DLG2: variants seen among roughly 807,000 people sequenced by gnomAD.
DLG2 encodes the protein disks large homolog 2.
A neutral mutation model predicts 132.5 loss-of-function variants in DLG2; 45 were observed. The ratio of observed to expected loss-of-function variants is 0.34; its 90% CI spans 0.27 to 0.44. The LOEUF (loss-of-function observed/expected upper bound fraction) is 0.44, where lower values mean the gene tolerates loss of function less well. DLG2 is among the 20% of genes least tolerant of loss of function. The pLI is 1.00. For synonymous variants in DLG2, 424 were observed against 419.6 expected, an observed-to-expected ratio of 1.01 and a Z score of -0.13; for missense variants, 1,045 against 1,196.9, an observed-to-expected ratio of 0.87 and a Z score of 1.87.
At chr11:84,791,432 T>C (rs949955628) in intron 6 of DLG2, among the ~76,000 whole-genome samples, 24 of 152,236 alleles carry the variant, frequency 1.6e-4, no homozygotes, top group African/African-American at 5.8e-4. Flanking sequence ...TCAGGTCTTT[T>C]GTGATTTCAT....
chr11:84,374,525 T>C (rs553943725), intron 7 of DLG2, among the ~76,000 whole-genome samples: 191 of 152,308 alleles, frequency 1.3e-3, no homozygotes, highest in Admixed American at 2.2e-3. Flanking sequence ...TGTTAGTGTA[T>C]TTTATGTGTG....
chr11:83,728,480 A>T (rs919261009), intron 18 of DLG2, among the ~76,000 whole-genome samples: 66 of 152,206 alleles, frequency 4.3e-4, no homozygotes, highest in Non-Finnish European at 7.9e-4. Context: ...ATCCTTCCAA[A>T]CCTCACAGAC....
chr11:85,043,304 A>G (rs1593154782), intron 6 of DLG2, among the ~76,000 whole-genome samples: 2 of 152,016 alleles, frequency 1.3e-5, no homozygotes, highest in East Asian at 3.9e-4. Flanking sequence ...ATCTTAATGT[A>G]TCAAATTTTA....
At chr11:85,058,805 A>G (rs2154158008) in intron 6 of DLG2, among the ~76,000 whole-genome samples, 1 of 151,606 alleles carries the variant, frequency 6.6e-6, no homozygotes, top group East Asian at 1.9e-4. Flanking sequence ...ATAATTAATT[A>G]TATATCCATA....
chr11:84,331,742 G>T (rs1301085133), intron 7 of DLG2, among the ~76,000 whole-genome samples: 1 of 152,098 alleles, frequency 6.6e-6, no homozygotes, highest in South Asian at 2.1e-4. Context: ...ATTTAGGCCT[G>T]CTGGGCTAAA....
intron 4 of DLG2, among the ~76,000 whole-genome samples, chr11:85,258,320 A>T (rs1031491855): frequency 6.6e-6 from 1 of 152,180 alleles, no homozygotes; most frequent in African/African-American, 2.4e-5. Context: ...ATTTTCTATT[A>T]TATGTGTAAT....
intron 9 of DLG2, among the ~76,000 whole-genome samples, chr11:84,116,155 G>C (rs769921699): frequency 6.6e-6 from 1 of 152,098 alleles, no homozygotes; most frequent in Non-Finnish European, 1.5e-5. Context: ...GATGATCCTG[G>C]ACTTTATTTA....
intron 6 of DLG2, among the ~76,000 whole-genome samples, chr11:84,888,153 G>T (rs1198161377): frequency 6.6e-6 from 1 of 152,046 alleles, no homozygotes; most frequent in African/African-American, 2.4e-5. Context: ...AACTTGGCTG[G>T]GCTAAGAGAT....
chr11:84,901,317 G>A lies in DLG2; in HGVS notation c.357+210344C>T, dbSNP rs963366157. On this transcript the variant is annotated intron_variant, in intron 6 of 27. Coordinates refer to ENST00000376104, the MANE Select transcript of DLG2 (RefSeq NM_001142699.3). ...GGTCACAGGCTGAGAAGGAAGGGAT[G>A]AGGAATTTAATGAAACTGAGAGCTA... Among the ~76,000 whole-genome samples the A allele has an allele frequency of 1.8e-4, 27 of 152,022 alleles. 1 individual carries two copies. Among genetic ancestry groups the A allele is most frequent in the African/African-American group, 5.3e-4 (22 of 41,426 alleles).
intron 4 of DLG2, among the ~76,000 whole-genome samples, chr11:85,194,960 T>C (rs2080917708): frequency 6.6e-6 from 1 of 152,184 alleles, no homozygotes; most frequent in South Asian, 2.1e-4. Context: ...AAAAGTCTGG[T>C]AGAGAACTGT....
At chr11:84,329,624 T>G (rs1018814988) in intron 7 of DLG2, among the ~76,000 whole-genome samples, 3 of 152,182 alleles carry the variant, frequency 2.0e-5, no homozygotes, top group African/African-American at 7.2e-5. Context: ...AATTACCCAG[T>G]CTTAGGCAGT....
chr11:85,491,916 A>G (rs939052030), intron 3 of DLG2, among the ~76,000 whole-genome samples: 1 of 149,340 alleles, frequency 6.7e-6, no homozygotes, highest in Non-Finnish European at 1.5e-5. Flanking sequence ...TGAAACTACA[A>G]AAGGCCCTGA....
intron 18 of DLG2, among the ~76,000 whole-genome samples, chr11:83,657,362 G>C (rs377251983): frequency 2.8e-4 from 43 of 152,182 alleles, no homozygotes; most frequent in African/African-American, 7.9e-4. Context: ...TAGCCTAGGA[G>C]CTAAGAGACT....
intron 3 of DLG2, among the ~76,000 whole-genome samples, chr11:85,504,846 C>T (rs1041454964): frequency 1.3e-5 from 2 of 152,208 alleles, no homozygotes; most frequent in African/African-American, 2.4e-5. Context: ...TATCCATGAG[C>T]ATGGAATGTT....
intron 7 of DLG2, among the ~76,000 whole-genome samples, chr11:84,388,444 A>G (rs2098779968): frequency 6.6e-6 from 1 of 152,056 alleles, no homozygotes; most frequent in African/African-American, 2.4e-5. Context: ...TTTATTGTGT[A>G]TGTTTTGTGA....
At chr11:83,863,476 G>T (rs2061777005) in intron 16 of DLG2, among the ~76,000 whole-genome samples, 1 of 152,012 alleles carries the variant, frequency 6.6e-6, no homozygotes. Flanking sequence ...TTGTTAAATG[G>T]ACAATGAATG....
intron 4 of DLG2, among the ~76,000 whole-genome samples, chr11:85,272,536 T>C (rs1048991452): frequency 3.9e-5 from 6 of 152,162 alleles, no homozygotes; most frequent in Non-Finnish European, 7.4e-5. Flanking sequence ...ACTGATTGTA[T>C]AGGTCCACCC....
rs370031868 is a variant in DLG2, at chr11:85,481,253, G to T, written c.40+117404C>A. ...GGTAGAATGGTATTTGATCAGTACA[G>T]TAGAAATTAAGATAAAAGTGTTATT... On this transcript the variant is annotated intron_variant, in intron 3 of 27. Transcript: ENST00000376104. Among the ~76,000 whole-genome samples, 18 of 152,318 alleles carry T rather than the reference G, an allele frequency of 1.2e-4. No individual in the cohort carries two copies. In the East Asian group the frequency reaches 1.7e-3, roughly 15 times the overall value.
intron 6 of DLG2, among the ~76,000 whole-genome samples, chr11:84,659,046 G>C (rs1439325311): frequency 6.6e-6 from 1 of 152,108 alleles, no homozygotes; most frequent in Non-Finnish European, 1.5e-5. Flanking sequence ...AAATTTCTGT[G>C]GTTTATAAGC....
Sources: allele counts gnomAD v4.1 joint callset (sites outside exome capture counted in the v4.1 genomes callset), GRCh38; gene constraint gnomAD v4.1.1; transcripts MANE v1.5; gene names NCBI Gene and HGNC (gene_info 2026-07-23, HGNC 2026-07-21).